Variants in TIAM2 observed in about 807,000 individuals in gnomAD.
TIAM2 encodes the protein TIAM Rac1 associated GEF 2.
Under a neutral mutation model 152.9 loss-of-function variants are expected in TIAM2, and 80 were observed. The ratio of observed to expected loss-of-function variants is 0.52; its 90% CI spans 0.44 to 0.63. TIAM2 has a LOEUF of 0.63. TIAM2 is among the 30% of genes least tolerant of loss of function. The probability of loss-of-function intolerance (pLI) is 0.00; values close to 1 mark genes in which losing one functional copy is unlikely to be tolerated. For missense variants in TIAM2, 1,965 were observed against 2,120.1 expected (o/e 0.93, Z 1.44); for synonymous variants, 804 against 838.0 (o/e 0.96, Z 0.70).
At chr6:155,055,785 G>C (rs1051039188) in intron 1 of TIAM2, among the ~76,000 whole-genome samples, 1 of 152,110 alleles carries the variant, frequency 6.6e-6, no homozygotes, top group Non-Finnish European at 1.5e-5. Flanking sequence ...AACATAGCAA[G>C]AGCTTGGTCT....
chr6:155,119,559 A>T (rs1779104451), intron 2 of TIAM2, among the ~76,000 whole-genome samples: 1 of 152,068 alleles, frequency 6.6e-6, no homozygotes, highest in African/African-American at 2.4e-5. Context: ...GGCTGGTCTC[A>T]AACTCCTGTC....
Position 155,155,018 on chromosome 6 carries a change from A to G in TIAM2, c.2028+6684A>G, listed in dbSNP as rs556774873. ...AGCAGTTTGAGGAACAAACCACTGG[A>G]GTGTAGCATATTTGTGAGGGGATTT... On this transcript the variant is annotated intron_variant, in intron 7 of 26. Coordinates refer to ENST00000682666, the MANE Select transcript of TIAM2 (RefSeq NM_012454.4). 3.9e-5 allele frequency among the ~76,000 whole-genome samples: 6 copies of G among 152,236 alleles called. No homozygotes were observed. The South Asian group carries it at 1.0e-3, about 26-fold the overall frequency.
In TIAM2 at chr6:155,228,328, T is replaced by C. The variant is rs199793116; in HGVS notation, c.3169-12202T>C. Among the ~76,000 whole-genome samples, 14 of 152,368 alleles carry C rather than the reference T, an allele frequency of 9.2e-5. No homozygotes were observed. In the East Asian group the frequency reaches 1.5e-3, roughly 17 times the overall value. On this transcript the variant is annotated intron_variant, in intron 15 of 26. Coordinates refer to ENST00000682666, the MANE Select transcript of TIAM2 (RefSeq NM_012454.4). ...AAGAATTTGGTTATAGTTGCTGTTA[T>C]TGACACATTTTGTCTTCAAATAAAG...
At chr6:155,038,881 GTGAC>G (rs1462008214) in intron 1 of TIAM2, among the ~76,000 whole-genome samples, 4 of 150,336 alleles carry the variant, frequency 2.7e-5, no homozygotes, top group Admixed American at 6.6e-5. Context: ...GCAGTGAGCT[GTGAC>G]TGTGCCACCA....
intron 1 of TIAM2, among the ~76,000 whole-genome samples, chr6:155,023,719 G>A (rs189898917): frequency 6.6e-6 from 1 of 152,074 alleles, no homozygotes; most frequent in African/African-American, 2.4e-5. Context: ...AGCCTCCAAG[G>A]AAATACTCAT....
intron 1 of TIAM2, among the ~76,000 whole-genome samples, chr6:155,045,355 C>A (rs1039344469): frequency 6.6e-6 from 1 of 151,936 alleles, no homozygotes; most frequent in Non-Finnish European, 1.5e-5. Flanking sequence ...AGCCACCACG[C>A]CCGGCAGAAA....
rs1303013566 is a variant in TIAM2 at position 155,165,325 on chromosome 6, A to G, written c.2277A>G (p.Arg759=). The G allele has an allele frequency of 1.2e-6, 2 of 1,613,982 alleles. No individual in the cohort carries two copies. The highest frequency in any genetic ancestry group is 2.7e-5 in the African/African-American group (2 of 74,884). The change falls in exon 9 of 27, where the codon AGA becomes AGG. Residue 759 remains arginine (R), a synonymous_variant. Coordinates refer to ENST00000682666, the MANE Select transcript of TIAM2 (RefSeq NM_012454.4). Reference sequence around the variant, plus strand: ...CACTGTCACTGACCCAGCGAGGGAGAAACAAGAAGGGAATATTTTCTTCGT... The same window carrying G: ...CACTGTCACTGACCCAGCGAGGGAGGAACAAGAAGGGAATATTTTCTTCGT... ...KRTLSLTQRG[R]NKKGIFSSLK...
rs536325332 is a variant in TIAM2 at position 155,162,267 on chromosome 6, A to C, written c.2029-2148A>C. ...GCCACTGTGCCTTGCCGACTCATTC[A>C]TTTTCTTTCCTCTTATATCTTCACC... On this transcript the variant is annotated intron_variant, in intron 7 of 26. Transcript: ENST00000682666. Among the ~76,000 whole-genome samples the C allele has an allele frequency of 1.1e-3, 164 of 152,228 alleles. 1 individual carries two copies. Among genetic ancestry groups the C allele is most frequent in the Non-Finnish European group, 1.6e-3 (112 of 68,020 alleles).
chr6:155,073,163 T>TTTG (rs1299975930), intron 1 of TIAM2, among the ~76,000 whole-genome samples: 2 of 145,828 alleles, frequency 1.4e-5, no homozygotes, highest in Non-Finnish European at 3.0e-5. Context: ...TAAGTTCTTT[T>TTTG]TTTTTTTTTT....
intron 15 of TIAM2, among the ~76,000 whole-genome samples, chr6:155,224,411 C>A (rs1415475579): frequency 6.6e-6 from 1 of 152,204 alleles, no homozygotes; most frequent in Non-Finnish European, 1.5e-5. Context: ...CCTGGAAGTG[C>A]TTCATCCAGG....
chr6:155,204,045 G>T (rs1781541015), intron 14 of TIAM2, among the ~76,000 whole-genome samples: 1 of 152,198 alleles, frequency 6.6e-6, no homozygotes, highest in South Asian at 2.1e-4. Context: ...ACGTTTGGTA[G>T]TTGGGACATG....
chr6:155,175,815 A>T (rs961404352), intron 9 of TIAM2, among the ~76,000 whole-genome samples: 2 of 152,222 alleles, frequency 1.3e-5, no homozygotes, highest in African/African-American at 4.8e-5. Context: ...GTGATGATGT[A>T]GTTGGCACAC....
At chr6:155,189,777 A>C (rs553207543) in intron 14 of TIAM2, among the ~76,000 whole-genome samples, 1 of 152,284 alleles carries the variant, frequency 6.6e-6, no homozygotes, top group Admixed American at 6.5e-5. Flanking sequence ...TGGGATTTCC[A>C]CTAATTTTTC....
At chr6:155,111,826 G>A (rs747904606) in intron 2 of TIAM2, among the ~76,000 whole-genome samples, 2 of 152,022 alleles carry the variant, frequency 1.3e-5, no homozygotes, top group African/African-American at 4.8e-5. Context: ...TGTCCTTCCC[G>A]CTAGCAACTG....
At chr6:155,058,602 C>T (rs989784994) in intron 1 of TIAM2, among the ~76,000 whole-genome samples, 1 of 152,132 alleles carries the variant, frequency 6.6e-6, no homozygotes, top group South Asian at 2.1e-4. Context: ...AACAGTATTC[C>T]ATTAAATCCT....
intron 25 of TIAM2, 131 bp from the exon 26 acceptor site, chr6:155,254,288 G>A: frequency 8.2e-7 from 1 of 1,223,302 alleles, no homozygotes; most frequent in Non-Finnish European, 1.2e-6. Flanking sequence ...AGGCCACATG[G>A]CACTGCTGCT....
At chr6:155,145,955 G>A (rs1444433498) in intron 6 of TIAM2, among the ~76,000 whole-genome samples, 2 of 152,198 alleles carry the variant, frequency 1.3e-5, no homozygotes, top group African/African-American at 4.8e-5. Context: ...TTAAAGCAAA[G>A]TAATGAATTT....
chr6:155,027,549 CTG>C (rs1452927465), intron 1 of TIAM2, among the ~76,000 whole-genome samples: 2 of 89,248 alleles, frequency 2.2e-5, no homozygotes, highest in African/African-American at 4.2e-5. Flanking sequence ...AATATATATA[CTG>C]TGTTACATAT....
chr6:155,228,181 A>G (rs1478946844), intron 15 of TIAM2, among the ~76,000 whole-genome samples: 8 of 152,178 alleles, frequency 5.3e-5, no homozygotes, highest in Admixed American at 5.2e-4. Flanking sequence ...GCTAAGCCTA[A>G]GTATGTGGGA....
Sources: gnomAD v4.1 joint callset for allele counts (sites outside exome capture counted in the v4.1 genomes callset) on GRCh38, gnomAD v4.1.1 for gene constraint, MANE v1.5 for transcripts, NCBI Gene and HGNC (gene_info 2026-07-23, HGNC 2026-07-21) for gene names.